ACSL6: variants seen among roughly 807,000 people sequenced by gnomAD.
ACSL6 encodes long-chain-fatty-acid--CoA ligase 6.
In ACSL6, 47 loss-of-function variants were observed where a neutral mutation model predicts 98.2. The ratio of observed to expected loss-of-function variants is 0.48; its 90% CI spans 0.38 to 0.61. The LOEUF (loss-of-function observed/expected upper bound fraction) is 0.61, where lower values mean the gene tolerates loss of function less well. ACSL6 is among the 20% of genes least tolerant of loss of function. ACSL6 has a pLI of 0.00. For synonymous variants in ACSL6, 362 were observed against 336.9 expected, an observed-to-expected ratio of 1.07 and a Z score of -0.82; for missense variants, 761 against 913.4, an observed-to-expected ratio of 0.83 and a Z score of 2.15.
At chr5:131,956,926 A>G (rs1045102560) in intron 20 of ACSL6, among the ~76,000 whole-genome samples, 1 of 152,152 alleles carries the variant, frequency 6.6e-6, no homozygotes, top group Admixed American at 6.5e-5. Context: ...CCCTTCCTGA[A>G]ACCATACTCT....
intron 20 of ACSL6, among the ~76,000 whole-genome samples, chr5:131,955,110 A>G (rs964719166): frequency 6.6e-6 from 1 of 152,154 alleles, no homozygotes; most frequent in African/African-American, 2.4e-5. Flanking sequence ...TCTCCAAGAG[A>G]AATGGGAAGA....
intron 1 of ACSL6, among the ~76,000 whole-genome samples, chr5:132,001,248 C>G (rs1755069941): frequency 6.6e-6 from 1 of 152,204 alleles, no homozygotes; most frequent in Admixed American, 6.5e-5. Context: ...TAGTTTCACC[C>G]CAAGCAGTGT....
At chr5:131,970,617 G>C (rs974874337) in intron 14 of ACSL6, among the ~76,000 whole-genome samples, 1 of 152,016 alleles carries the variant, frequency 6.6e-6, no homozygotes, top group Non-Finnish European at 1.5e-5. Context: ...CATCGTGTTA[G>C]CCAGGATGGT....
At chr5:132,001,881 T>C (rs1392298085) in intron 1 of ACSL6, 1 of 152,086 alleles carries the variant, frequency 6.6e-6, no homozygotes, top group Non-Finnish European at 1.5e-5. Flanking sequence ...GCACAAACAA[T>C]GCTTTCAGGA....
chr5:131,960,784 C>G, intron 18 of ACSL6, 163 bp from the exon 19 acceptor site: 1 of 540,612 alleles, frequency 1.8e-6, no homozygotes, highest in Middle Eastern at 3.5e-4. Flanking sequence ...ATATATCATA[C>G]CATTCATTTT....
In ACSL6 at chr5:131,954,131, A is replaced by G; in HGVS notation, c.*103T>C. On this transcript the variant is annotated 3_prime_UTR_variant, in exon 21 of 21. Transcript: ENST00000651883. ...GGAAAAGGCTCAGTCATAAAATCAG[A>G]TGCTTATTCATTTTCAGCTGTGTCA... The G allele has an allele frequency of 8.0e-7, 1 of 1,247,274 alleles. No homozygotes were observed. Among genetic ancestry groups the G allele is most frequent in the Non-Finnish European group, 1.1e-6 (1 of 943,510 alleles). The allele number at this position is 1,247,274 out of a possible 1,614,324, so 77.3% of individuals were successfully genotyped here. A position where few individuals can be genotyped will look rare whatever the true frequency, so the allele number is the denominator to read the frequency against.
chr5:131,988,306 C>CTG, intron 6 of ACSL6, 80 bp from the exon 7 acceptor site: 1 of 1,512,500 alleles, frequency 6.6e-7, no homozygotes, highest in Non-Finnish European at 9.1e-7. Context: ...GCAGCACATG[C>CTG]CAGGCAGCAC....
At chr5:131,996,765 C>T (rs905298156) in intron 1 of ACSL6, among the ~76,000 whole-genome samples, 3 of 152,232 alleles carry the variant, frequency 2.0e-5, no homozygotes, top group Admixed American at 6.5e-5. Flanking sequence ...CTCACACAGT[C>T]CCTCTTCTCA....
At chr5:131,989,547 C>A in intron 4 of ACSL6, 39 bp from the exon 5 acceptor site, 1 of 1,026,492 alleles carries the variant, frequency 9.7e-7, no homozygotes, top group Non-Finnish European at 1.5e-6. Context: ...AAAACAAGGA[C>A]TCTTCAACAG....
Position 131,966,455 on chromosome 5 carries a change from A to G in ACSL6, c.1674T>C (p.Asp558=), listed in dbSNP as rs1381811267. ...PDRTKEALDS[D]GWLHTGDIGK... is the part of the protein sequence containing the mutation. ...CGATGTCTCCAGTGTGAAGCCAGCC[A>G]TCGCTGTCCAGGGCCTCCTTCGTCC... The change falls in exon 17 of 21, where the codon GAT becomes GAC. Residue 558 remains aspartate (D), a synonymous_variant. Transcript: ENST00000651883. 3.1e-6 allele frequency: 5 copies of G among 1,614,190 alleles called. No individual in the cohort carries two copies. The highest frequency in any genetic ancestry group is 1.7e-5 in the Admixed American group (1 of 60,028).
intron 1 of ACSL6, among the ~76,000 whole-genome samples, chr5:131,998,161 G>A (rs1478654254): frequency 6.6e-6 from 1 of 152,306 alleles, no homozygotes; most frequent in East Asian, 1.9e-4. Flanking sequence ...TCTCTTGGCT[G>A]CAGCAGAGAT....
In ACSL6 at chr5:131,989,296, T is replaced by A. The variant is rs1271346738; in HGVS notation, c.552+111A>T. On this transcript the variant is annotated intron_variant, in intron 5 of 20. Transcript: ENST00000651883. ...GGAGTGGTGGCATAGCCCAAGGGTC[T>A]CTGTTTTTTCTTTTGTCCTGGGCCC... The A allele has an allele frequency of 4.7e-6, 5 of 1,053,682 alleles. No homozygotes were observed. In the African/African-American group the frequency reaches 6.3e-5, roughly 13 times the overall value. 65.3% of individuals were successfully genotyped at this position (1,053,682 alleles called of 1,614,324 possible).
At chr5:131,960,308 C>T (rs983421768) in intron 19 of ACSL6, among the ~76,000 whole-genome samples, 2 of 152,182 alleles carry the variant, frequency 1.3e-5, no homozygotes, top group African/African-American at 4.8e-5. Flanking sequence ...GGCTTAAAAT[C>T]CAAACGTTTG....
At chr5:131,993,399 T>A (rs1754628434) in intron 2 of ACSL6, 1 of 154,630 alleles carries the variant, frequency 6.5e-6, no homozygotes, top group African/African-American at 2.4e-5. Context: ...AGACACAAGC[T>A]TTTCAGTACA....
intron 1 of ACSL6, among the ~76,000 whole-genome samples, chr5:132,002,363 T>C (rs1298717501): frequency 1.3e-5 from 2 of 152,164 alleles, no homozygotes; most frequent in East Asian, 3.9e-4. Context: ...CTTGAACCAG[T>C]AAAGGGCATA....
At chr5:131,994,664 G>A in intron 1 of ACSL6, 1 of 252,368 alleles carries the variant, frequency 4.0e-6, no homozygotes, top group Non-Finnish European at 7.7e-6. Context: ...TGGAGAAGAG[G>A]GAAGGGCAGC....
chr5:131,952,738 T>G lies in ACSL6; in HGVS notation c.*1496A>C. ...ATACAGGGTGCATCTAAATACATAATGCAAGAAAGGAGGTTTTAGTGGTTA... is the reference window on the plus strand; with the variant it reads ...ATACAGGGTGCATCTAAATACATAAGGCAAGAAAGGAGGTTTTAGTGGTTA... On this transcript the variant is annotated 3_prime_UTR_variant, in exon 21 of 21. Transcript: ENST00000651883. 4.6e-6 allele frequency: 1 copy of G among 217,300 alleles called. No homozygotes were observed. 13.5% of individuals were successfully genotyped at this position (217,300 alleles called of 1,614,324 possible).
intron 2 of ACSL6, among the ~76,000 whole-genome samples, chr5:131,992,271 T>A (rs1001142559): frequency 6.6e-6 from 1 of 152,100 alleles, no homozygotes; most frequent in African/African-American, 2.4e-5. Context: ...CAAGGCAGAA[T>A]CTGGACTTGA....
intron 8 of ACSL6, among the ~76,000 whole-genome samples, 163 bp downstream of exon 8, chr5:131,986,659 C>T (rs1365316408): frequency 1.3e-5 from 2 of 152,180 alleles, no homozygotes; most frequent in Admixed American, 6.5e-5. Flanking sequence ...CCTGGGCCCT[C>T]GGCCCACAGA....
Sources: allele counts gnomAD v4.1 joint callset (sites outside exome capture counted in the v4.1 genomes callset), GRCh38; gene constraint gnomAD v4.1.1; transcripts MANE v1.5; gene names NCBI Gene and HGNC (gene_info 2026-07-23, HGNC 2026-07-21).